Variants in KHDRBS2 observed in about 807,000 individuals in gnomAD.
KHDRBS2 encodes KH domain-containing, RNA-binding, signal transduction-associated protein 2.
Under a neutral mutation model 44.3 loss-of-function variants are expected in KHDRBS2, and 26 were observed. The ratio of observed to expected loss-of-function variants is 0.59; its 90% CI spans 0.43 to 0.81. The LOEUF is 0.81. KHDRBS2 is among the 40% of genes least tolerant of loss of function. KHDRBS2 has a pLI of 0.00. For missense variants in KHDRBS2, 476 were observed against 433.1 expected, an observed-to-expected ratio of 1.10 and a Z score of -0.88; for synonymous variants, 194 against 151.1, an observed-to-expected ratio of 1.28 and a Z score of -2.08.
the KHDRBS2 span, among the ~76,000 whole-genome samples, chr6:61,607,550 T>C: frequency 6.4e-5 from 2 of 31,106 alleles, no homozygotes; most frequent in Non-Finnish European, 1.7e-4. Flanking sequence ...AAAAAAGATG[T>C]GTGAGAAATT....
chr6:62,064,921 A>C (rs527458660), intron 2 of KHDRBS2, among the ~76,000 whole-genome samples: 50 of 151,228 alleles, frequency 3.3e-4, no homozygotes, highest in East Asian at 1.6e-3. Context: ...CAATGAACTC[A>C]AACAAATTTA....
intron 2 of KHDRBS2, among the ~76,000 whole-genome samples, chr6:62,137,069 C>T (rs1291257390): frequency 5.0e-5 from 7 of 140,146 alleles, no homozygotes; most frequent in Non-Finnish European, 7.5e-5. Flanking sequence ...GGCGCGATCT[C>T]GGCTCACTGC....
intron 1 of KHDRBS2, among the ~76,000 whole-genome samples, chr6:62,214,039 T>C (rs1426475494): frequency 6.6e-6 from 1 of 152,196 alleles, no homozygotes; most frequent in African/African-American, 2.4e-5. Context: ...GCTAACAAAC[T>C]AATATTTTAT....
At chr6:62,113,219 C>T (rs1805436312) in intron 2 of KHDRBS2, among the ~76,000 whole-genome samples, 1 of 152,070 alleles carries the variant, frequency 6.6e-6, no homozygotes, top group Non-Finnish European at 1.5e-5. Context: ...TATTATGTCC[C>T]ATATTCAGGC....
rs1310708109 is a variant in KHDRBS2 at position 61,971,024 on chromosome 6, CTA to C, written c.483+7040_483+7041del. ...TTCTTATAGAAGAAGGAGTAGAAAA[CTA>C]TGTTATTTGTTCAAGCTGAAATTAA... On this transcript the variant is annotated intron_variant, in intron 4 of 8. Transcript: ENST00000281156. Among the ~76,000 whole-genome samples the C allele has an allele frequency of 2.6e-5, 4 of 152,148 alleles. 1 individual carries two copies. The highest frequency in any genetic ancestry group is 9.6e-5 in the African/African-American group (4 of 41,528).
intron 3 of KHDRBS2, among the ~76,000 whole-genome samples, chr6:62,006,817 G>C (rs1196562651): frequency 6.6e-6 from 1 of 151,822 alleles, no homozygotes; most frequent in East Asian, 1.9e-4. Context: ...GCAAATTATA[G>C]ATATCAAAGG....
intron 3 of KHDRBS2, among the ~76,000 whole-genome samples, chr6:62,032,595 C>G (rs1419641722): frequency 6.6e-6 from 1 of 151,142 alleles, no homozygotes; most frequent in Non-Finnish European, 1.5e-5. Context: ...CAAGAGAACC[C>G]TGACAAATAA....
chr6:62,160,784 G>A (rs1314396336), intron 2 of KHDRBS2, among the ~76,000 whole-genome samples: 1 of 151,946 alleles, frequency 6.6e-6, no homozygotes, highest in Admixed American at 6.6e-5. Context: ...GGTAACAAGA[G>A]TTCTTTGTTC....
chr6:61,647,601 C>T, the KHDRBS2 span, among the ~76,000 whole-genome samples: 3 of 152,074 alleles, frequency 2.0e-5, no homozygotes, highest in Non-Finnish European at 2.9e-5. Flanking sequence ...AGGCGCTTCT[C>T]ATAATCAATA....
intron 4 of KHDRBS2, among the ~76,000 whole-genome samples, chr6:61,926,888 GT>G (rs139821784): frequency 4.0e-5 from 6 of 148,440 alleles, no homozygotes; most frequent in Non-Finnish European, 6.0e-5. Flanking sequence ...TCTTAGTTAG[GT>G]TTTTTTTTTC....
chr6:62,110,721 G>A (rs1411030947), intron 2 of KHDRBS2, among the ~76,000 whole-genome samples: 12 of 152,016 alleles, frequency 7.9e-5, no homozygotes, highest in African/African-American at 2.9e-4. Context: ...TCAGGTAGAG[G>A]AGGCAAGGAG....
At chr6:62,130,782 CAAAA>C (rs1810113440) in intron 2 of KHDRBS2, among the ~76,000 whole-genome samples, 1 of 151,818 alleles carries the variant, frequency 6.6e-6, no homozygotes, top group East Asian at 1.9e-4. Context: ...TACAGTTGGT[CAAAA>C]ATGATCTAAA....
chr6:62,214,055 G>A (rs78952619), intron 1 of KHDRBS2, among the ~76,000 whole-genome samples: 3,340 of 151,952 alleles, frequency 0.022, 58 homozygotes, highest in Middle Eastern at 0.037. Flanking sequence ...TTTATCCATG[G>A]CAAATTGAAC....
At chr6:61,763,651 G>A (rs1236130236) in intron 6 of KHDRBS2, among the ~76,000 whole-genome samples, 1 of 152,036 alleles carries the variant, frequency 6.6e-6, no homozygotes, top group Non-Finnish European at 1.5e-5. Flanking sequence ...AGTACATGAG[G>A]AATACCAATA....
intron 2 of KHDRBS2, among the ~76,000 whole-genome samples, chr6:62,173,059 C>CT (rs1276994183): frequency 2.6e-5 from 4 of 151,850 alleles, no homozygotes; most frequent in Admixed American, 2.6e-4. Context: ...AACATCAAAG[C>CT]TAGCAGAAGA....
the KHDRBS2 span, among the ~76,000 whole-genome samples, chr6:61,655,237 C>T: frequency 2.4e-4 from 35 of 144,086 alleles, no homozygotes; most frequent in African/African-American, 8.4e-4. Flanking sequence ...CACACACACA[C>T]ACACACACAC....
At chr6:61,829,199 T>A (rs1791398505) in intron 6 of KHDRBS2, among the ~76,000 whole-genome samples, 1 of 152,234 alleles carries the variant, frequency 6.6e-6, no homozygotes, top group South Asian at 2.1e-4. Context: ...TCTCGCTCTG[T>A]CGCCCAGGTT....
chr6:62,009,102 G>C (rs1325066494), intron 3 of KHDRBS2, among the ~76,000 whole-genome samples: 1 of 152,160 alleles, frequency 6.6e-6, no homozygotes, highest in Admixed American at 6.5e-5. Flanking sequence ...GAACTCCCTA[G>C]AGACTTGTTG....
chr6:61,994,999 A>T (rs1390973971), intron 3 of KHDRBS2, among the ~76,000 whole-genome samples: 1 of 152,140 alleles, frequency 6.6e-6, no homozygotes, highest in Non-Finnish European at 1.5e-5. Flanking sequence ...AGCATAGGGA[A>T]TAGAATAGAA....
Sources: gnomAD v4.1 joint callset for allele counts (sites outside exome capture counted in the v4.1 genomes callset) on GRCh38, gnomAD v4.1.1 for gene constraint, MANE v1.5 for transcripts, NCBI Gene and HGNC (gene_info 2026-07-23, HGNC 2026-07-21) for gene names.